Variants in C14orf39 observed in about 807,000 individuals in gnomAD.
C14orf39 encodes the protein chromosome 14 open reading frame 39.
Under a neutral mutation model 85.6 loss-of-function variants are expected in C14orf39, and 66 were observed. That is an observed-to-expected ratio of 0.77 (90% CI 0.63 to 0.95). C14orf39 has a LOEUF of 0.95. Among genes scored for constraint, C14orf39 ranks in the 40% least tolerant of loss-of-function variants. The probability of loss-of-function intolerance (pLI) is 0.00; values close to 1 mark genes in which losing one functional copy is unlikely to be tolerated. For missense variants in C14orf39, 735 were observed against 663.9 expected (o/e 1.11, Z -1.18); for synonymous variants, 242 against 214.0 (o/e 1.13, Z -1.14).
At chr14:60,500,019 A>G (rs1389707180) in intron 1 of C14orf39, among the ~76,000 whole-genome samples, 1 of 151,614 alleles carries the variant, frequency 6.6e-6, no homozygotes, top group Non-Finnish European at 1.5e-5. Flanking sequence ...AGGGACTAGC[A>G]CTCCTTTTTT....
At chr14:60,499,319 T>A (rs1893108575) in exon 2 of C14orf39, 1 of 152,094 alleles carries the variant, frequency 6.6e-6, no homozygotes, top group Admixed American at 6.6e-5. Flanking sequence ...GTACTTCAAC[T>A]GCAGTTGTGA....
At chr14:60,474,577 C>T (rs1303580090) in intron 5 of C14orf39, among the ~76,000 whole-genome samples, 2 of 152,016 alleles carry the variant, frequency 1.3e-5, no homozygotes, top group East Asian at 1.9e-4. Context: ...TACGTCCCAT[C>T]GATACCTAAT....
rs201846510 is a variant in C14orf39 at position 60,509,614 on chromosome 14, T to A, written c.-144+5781A>T. 4.3e-6 allele frequency: 7 copies of A among 1,613,700 alleles called. No homozygotes were observed. Among genetic ancestry groups the A allele is most frequent in the Middle Eastern group, 3.3e-4 (2 of 6,062 alleles). On this transcript the variant is annotated intron_variant, in intron 1 of 5. Transcript: ENST00000556799. ...GTGGCAACTACCGCGAGCTCTATCA[T>A]ATCCTGGAAAACCACAAGTTCACCA...
intron 9 of C14orf39, among the ~76,000 whole-genome samples, chr14:60,467,919 A>T (rs561865667): frequency 6.6e-6 from 1 of 151,726 alleles, no homozygotes; most frequent in Non-Finnish European, 1.5e-5. Context: ...CTGTCATATG[A>T]TAACAGGCAA....
chr14:60,448,566 C>G (rs534174274), intron 16 of C14orf39, among the ~76,000 whole-genome samples: 2 of 152,258 alleles, frequency 1.3e-5, no homozygotes, highest in South Asian at 4.1e-4. Flanking sequence ...AATAGGAACA[C>G]TTTTACAGTG....
rs1164817364 is a variant in C14orf39 at position 60,436,732 on chromosome 14, C to T, written c.*113G>A. 5.8e-6 allele frequency: 4 copies of T among 689,526 alleles called. No individual in the cohort carries two copies. The highest frequency in any genetic ancestry group is 9.6e-6 in the Non-Finnish European group (4 of 417,320). 42.7% of individuals were successfully genotyped at this position (689,526 alleles called of 1,614,324 possible). A position where few individuals can be genotyped will look rare whatever the true frequency, so the allele number is the denominator to read the frequency against. On this transcript the variant is annotated 3_prime_UTR_variant, in exon 18 of 18. Transcript: ENST00000321731. ...AATAAATATAATCAAATAATGTAAACATTACTGCTTTAATCAATAAAAGAA... is the reference window on the plus strand; with the variant it reads ...AATAAATATAATCAAATAATGTAAATATTACTGCTTTAATCAATAAAAGAA...
chr14:60,442,927 C>A (rs1254132064), intron 16 of C14orf39, among the ~76,000 whole-genome samples: 1 of 152,138 alleles, frequency 6.6e-6, no homozygotes, highest in African/African-American at 2.4e-5. Context: ...CTTATTGGTA[C>A]ATATAAGCAC....
At position 60,469,587 on chromosome 14, in the gene C14orf39, G is replaced by T; in HGVS notation, c.621C>A (p.Ser207=). The change falls in exon 8 of 18, where the codon TCC becomes TCA. Residue 207 remains serine, a synonymous_variant. Coordinates refer to ENST00000321731, the MANE Select transcript of C14orf39 (RefSeq NM_174978.3). ...TTTCATCTACTTCTTTCTTCAATTC[G>T]GATGAACTTTTGGTAAGATTGCTGG... ...KHASNLTKSS[S]ELKKEVDEME... The T allele has an allele frequency of 1.3e-6, 2 of 1,507,912 alleles. No individual in the cohort carries two copies. The highest frequency in any genetic ancestry group is 8.9e-7 in the Non-Finnish European group (1 of 1,119,306). 93.4% of individuals were successfully genotyped at this position (1,507,912 alleles called of 1,614,324 possible). A position where few individuals can be genotyped will look rare whatever the true frequency, so the allele number is the denominator to read the frequency against.
chr14:60,463,824 T>C (rs990315439), intron 11 of C14orf39, among the ~76,000 whole-genome samples: 1 of 152,154 alleles, frequency 6.6e-6, no homozygotes, highest in Non-Finnish European at 1.5e-5. Context: ...AAAACTTAAC[T>C]GTATTCTGTG....
At chr14:60,437,173 A>G in intron 17 of C14orf39, 126 bp from the exon 18 acceptor site, 2 of 648,716 alleles carry the variant, frequency 3.1e-6, no homozygotes, top group Non-Finnish European at 5.3e-6. Flanking sequence ...ACAGGAATAC[A>G]GGTATTTAAT....
intron 11 of C14orf39, among the ~76,000 whole-genome samples, chr14:60,463,298 G>A (rs1008171535): frequency 2.0e-5 from 3 of 151,982 alleles, no homozygotes; most frequent in African/African-American, 7.2e-5. Flanking sequence ...ATTTGTAAGA[G>A]TTACTATGTA....
intron 1 of C14orf39, among the ~76,000 whole-genome samples, chr14:60,503,820 G>A (rs1488054288): frequency 6.6e-6 from 1 of 152,150 alleles, no homozygotes; most frequent in Non-Finnish European, 1.5e-5. Flanking sequence ...TATTAACATG[G>A]CCTAGACCCA....
At chr14:60,514,156 A>G (rs1005869116) in intron 1 of C14orf39, among the ~76,000 whole-genome samples, 2 of 152,120 alleles carry the variant, frequency 1.3e-5, no homozygotes, top group African/African-American at 4.8e-5. Flanking sequence ...AATCTTTCCA[A>G]TCTTCCCAAG....
At chr14:60,509,829 GC>G in intron 1 of C14orf39, 1 of 1,613,894 alleles carries the variant, frequency 6.2e-7, no homozygotes, top group South Asian at 1.1e-5. Context: ...CACCTGCTAC[GC>G]GAGTGGTACC....
chr14:60,485,185 G>T, intron 1 of C14orf39, 99 bp from the exon 2 acceptor site: 1 of 972,566 alleles, frequency 1.0e-6, no homozygotes, highest in Non-Finnish European at 1.5e-6. Context: ...TTCTTCACAG[G>T]AACATGTGGG....
intron 4 of C14orf39, 36 bp from the exon 5 acceptor site, chr14:60,478,425 G>A: frequency 9.0e-7 from 1 of 1,106,100 alleles, no homozygotes; most frequent in Non-Finnish European, 1.3e-6. Context: ...TAGCAACTCA[G>A]AATGATAAAC....
At chr14:60,451,180 C>T (rs369130209) in intron 16 of C14orf39, among the ~76,000 whole-genome samples, 1 of 152,096 alleles carries the variant, frequency 6.6e-6, no homozygotes, top group South Asian at 2.1e-4. Context: ...ATTAAAAAAT[C>T]AGGAAACAAC....
At chr14:60,462,953 G>A (rs1891598097) in intron 11 of C14orf39, among the ~76,000 whole-genome samples, 1 of 152,058 alleles carries the variant, frequency 6.6e-6, no homozygotes, top group Non-Finnish European at 1.5e-5. Flanking sequence ...ACAAATACCT[G>A]TATAAATATT....
chr14:60,468,575 T>C, intron 8 of C14orf39, 39 bp from the exon 9 acceptor site: 2 of 1,203,294 alleles, frequency 1.7e-6, no homozygotes, highest in Non-Finnish European at 2.4e-6. Flanking sequence ...AAATAATTAC[T>C]TGCAAAGCAG....
Sources: gnomAD v4.1 joint callset for allele counts (sites outside exome capture counted in the v4.1 genomes callset) on GRCh38, gnomAD v4.1.1 for gene constraint, MANE v1.5 for transcripts, NCBI Gene and HGNC (gene_info 2026-07-23, HGNC 2026-07-21) for gene names.